TWNK: variants seen among roughly 807,000 people sequenced by gnomAD.
The protein encoded by TWNK is T7 gp4-like protein with intramitochondrial nucleoid localization.
A neutral mutation model predicts 58.2 loss-of-function variants in TWNK; 36 were observed. That is an observed-to-expected ratio of 0.62 (90% CI 0.47 to 0.82). The LOEUF (loss-of-function observed/expected upper bound fraction) is 0.82. Ranked by LOEUF, TWNK falls within the 40% of genes least tolerant of loss-of-function variation. The probability of loss-of-function intolerance (pLI) is 0.00; values close to 1 mark genes in which losing one functional copy is unlikely to be tolerated. For synonymous variants in TWNK, 349 were observed against 348.5 expected (o/e 1.00, Z -0.02); for missense variants, 714 against 881.0 (o/e 0.81, Z 2.40).
intron 4 of TWNK, among the ~76,000 whole-genome samples, chr10:100,992,205 CTTTTTTTTTTTT>C (rs750231609): frequency 1.5e-4 from 12 of 79,010 alleles, no homozygotes; most frequent in South Asian, 5.2e-4. Flanking sequence ...GAGACCCTAT[CTTTTTTTTTTTT>C]TTTTTTTTTT....
In TWNK at chr10:100,993,390, TGGACCAG is replaced by T; in HGVS notation, c.1936_1942del (p.Gly646TrpfsTer52). ...GGCTCAAGAAGATCAAGGATGACAC[TGGACCAG>T]TGGCCAAAAAGCCCTCTTCTGGCAA... is the stretch of plus-strand genomic sequence containing the variant. On this transcript the variant is annotated frameshift_variant, in exon 5 of 5. Transcript: ENST00000311916. LOFTEE classifies it low-confidence loss of function (END_TRUNC). 6.2e-7 allele frequency: 1 copy of T among 1,614,224 alleles called. No homozygotes were observed.
chr10:100,993,450 G>C lies in TWNK; in HGVS notation c.1995G>C (p.Glu665Asp). The C allele has an allele frequency of 6.2e-7, 1 of 1,614,210 alleles. No homozygotes were observed. Among genetic ancestry groups the C allele is most frequent in the Non-Finnish European group, 8.5e-7 (1 of 1,180,054 alleles). ...GKKGATTQNS[E>D]ICSGQAPTPD... ...AGGGGGCTACGACACAGAACTCTGA[G>C]ATTTGCTCAGGCCAGGCCCCCACTC... Residue 665 changes from glutamate (E) to aspartate (D), a missense_variant, in exon 5 of 5, where the codon GAG (glutamate) becomes GAC (aspartate). Glu to Asp is a conservative substitution (Grantham distance 45, BLOSUM62 2). Transcript: ENST00000311916.
chr10:100,987,612 T>G lies in TWNK; in HGVS notation c.-599T>G. 1 of 1,003,696 alleles carries G rather than the reference T, an allele frequency of 1.0e-6. No individual in the cohort carries two copies. Among genetic ancestry groups the G allele is most frequent in the Non-Finnish European group, 1.4e-6 (1 of 705,840 alleles). The allele number at this position is 1,003,696 out of a possible 1,614,324, so 62.2% of individuals were successfully genotyped here. A position where few individuals can be genotyped will look rare whatever the true frequency, so the allele number is the denominator to read the frequency against. ...GCCGGCGAAGTGGGAGAGAGAAAAGTGGTAACCTGGGGCTGGGGGCCGGCG... is the reference window on the plus strand; with the variant it reads ...GCCGGCGAAGTGGGAGAGAGAAAAGGGGTAACCTGGGGCTGGGGGCCGGCG... On this transcript the variant is annotated 5_prime_UTR_variant, in exon 1 of 5. Transcript: ENST00000311916.
Position 100,987,643 on chromosome 10 carries a change from G to A in TWNK, c.-568G>A. ...CCTGGGGCTGGGGGCCGGCGCGGCG[G>A]AGCTCGGAGTAGTAGAGCGGAGTGA... is the stretch of plus-strand genomic sequence containing the variant. On this transcript the variant is annotated 5_prime_UTR_variant, in exon 1 of 5. Coordinates refer to ENST00000311916, the MANE Select transcript of TWNK (RefSeq NM_021830.5). 1.4e-6 allele frequency: 1 copy of A among 704,152 alleles called. No individual in the cohort carries two copies. The allele number at this position is 704,152 out of a possible 1,614,324, so 43.6% of individuals were successfully genotyped here.
At position 100,989,866 on chromosome 10, in the gene TWNK, A is replaced by G. The variant is rs765275995; in HGVS notation, c.1466A>G (p.His489Arg). Residue 489 changes from histidine to arginine, a missense_variant, in exon 2 of 5, where the codon CAT becomes CGT. Coordinates refer to ENST00000311916, the MANE Select transcript of TWNK (RefSeq NM_021830.5). This position sits in a 1 kb window ranked among gnomAD's most constrained non-coding sequence, Gnocchi z 7.6. ...CTGCCCCTCTATTTCATGACTTTCC[A>G]TGGACAGCAAAGCATCAGGTGAGAC... is the stretch of plus-strand genomic sequence containing the variant. Reference protein sequence around the residue: ...EDLPLYFMTFHGQQSIRTVID... With the variant: ...EDLPLYFMTFRGQQSIRTVID... 1.5e-5 allele frequency: 25 copies of G among 1,614,216 alleles called. No homozygotes were observed. The highest frequency in any genetic ancestry group is 2.0e-5 in the Non-Finnish European group (24 of 1,180,042).
chr10:100,988,355 G>A lies in TWNK; in HGVS notation c.145G>A (p.Asp49Asn). 2 of 1,614,248 alleles carry A rather than the reference G, an allele frequency of 1.2e-6. No individual in the cohort carries two copies. The highest frequency in any genetic ancestry group is 2.2e-5 in the East Asian group (1 of 44,892). ...CAGGAAGGAGACTCTCCAAGCCTTG[G>A]ATATGCCAGTGTTGCCTGTAACTGC... is the stretch of plus-strand genomic sequence containing the variant. ...RYRKETLQAL[D>N]MPVLPVTATE... The change falls in exon 1 of 5, where the codon GAT becomes AAT. Residue 49 changes from aspartate (D) to asparagine (N), a missense_variant. Coordinates refer to ENST00000311916, the MANE Select transcript of TWNK (RefSeq NM_021830.5). The surrounding 1 kb of genome is among the most constrained non-coding windows in gnomAD (Gnocchi z 5.2).
At position 100,988,878 on chromosome 10, in the gene TWNK, A is replaced by T. The variant is rs1310014162; in HGVS notation, c.668A>T (p.Glu223Val). 6.2e-7 allele frequency: 1 copy of T among 1,614,216 alleles called. No homozygotes were observed. The highest frequency in any genetic ancestry group is 1.7e-5 in the Admixed American group (1 of 60,034). ...GSGLRGLKLL[E>V]AKCQGDGVSY... is the part of the protein sequence containing the mutation. ...GGATTACGAGGCCTGAAGCTCCTAG[A>T]GGCTAAATGCCAGGGGGATGGAGTG... is the stretch of plus-strand genomic sequence containing the variant. The change falls in exon 1 of 5, where the codon GAG (glutamate) becomes GTG (valine). Residue 223 changes from glutamate to valine, a missense_variant. This residue lies in a region of TWNK where 348 missense variants were observed against 388.4 expected (regional missense o/e 0.90). Transcript: ENST00000311916. This position sits in a 1 kb window ranked among gnomAD's most constrained non-coding sequence, Gnocchi z 5.2.
At position 100,988,928 on chromosome 10, in the gene TWNK, C is replaced by T. The variant is rs757838397; in HGVS notation, c.718C>T (p.Arg240Ter). Residue 240 changes from arginine to a stop codon, truncating the protein, a stop_gained, in exon 1 of 5, where the codon CGA (arginine) becomes TGA (stop). Transcript: ENST00000311916. LOFTEE classifies it high-confidence loss of function. The surrounding 1 kb of genome is among the most constrained non-coding windows in gnomAD (Gnocchi z 5.2). ...GVSYEETTIP[R>*]PSAYHNLFGL... ...GAGCTACGAGGAAACCACTATTCCC[C>T]GACCCAGCGCCTACCACAATCTGTT... is the stretch of plus-strand genomic sequence containing the variant. 2 of 1,614,132 alleles carry T rather than the reference C, an allele frequency of 1.2e-6. No homozygotes were observed. Among genetic ancestry groups the T allele is most frequent in the Admixed American group, 1.7e-5 (1 of 60,022 alleles).
chr10:100,992,798 C>CT (rs1851817694), intron 4 of TWNK, among the ~76,000 whole-genome samples: 1 of 145,650 alleles, frequency 6.9e-6, no homozygotes, highest in African/African-American at 2.5e-5. Context: ...TTTTTTTTTT[C>CT]TTTTTTGAGA....
Position 100,993,504 on chromosome 10 carries a change from A to C in TWNK, c.2049A>C (p.Ser683=). The C allele has an allele frequency of 1.2e-6, 2 of 1,614,108 alleles. No individual in the cohort carries two copies. Among genetic ancestry groups the C allele is most frequent in the Non-Finnish European group, 1.7e-6 (2 of 1,179,998 alleles). ...TPDQPDTSKR[S]K ...ACCAGCCAGACACCTCCAAGCGTTC[A>C]AAGTGAAGGCCGTGCAGAGCTGGTC... Residue 683 remains serine (S), a synonymous_variant, in exon 5 of 5, where the codon TCA becomes TCC. Coordinates refer to ENST00000311916, the MANE Select transcript of TWNK (RefSeq NM_021830.5).
chr10:100,993,597 C>A lies in TWNK; in HGVS notation c.*87C>A. On this transcript the variant is annotated 3_prime_UTR_variant, in exon 5 of 5. Coordinates refer to ENST00000311916, the MANE Select transcript of TWNK (RefSeq NM_021830.5). ...GCAAGGGCTCCTCTATCCTGTGGTCCTGAGCTGTGTGCCCTTCTCAGTCTG... is the reference window on the plus strand; with the variant it reads ...GCAAGGGCTCCTCTATCCTGTGGTCATGAGCTGTGTGCCCTTCTCAGTCTG... 1 of 1,450,330 alleles carries A rather than the reference C, an allele frequency of 6.9e-7. No individual in the cohort carries two copies. The highest frequency in any genetic ancestry group is 9.5e-7 in the Non-Finnish European group (1 of 1,051,342). The allele number at this position is 1,450,330 out of a possible 1,614,324, so 89.8% of individuals were successfully genotyped here.
rs1418345627 is a variant in TWNK, at chr10:100,989,119, G to A, written c.909G>A (p.Arg303=). The A allele has an allele frequency of 6.2e-7, 1 of 1,612,224 alleles. No homozygotes were observed. Among genetic ancestry groups the A allele is most frequent in the South Asian group, 1.1e-5 (1 of 91,058 alleles). ...ALLPYLEQFR[R]IVFWLGDDLR... is the part of the protein sequence containing the mutation. ...TCCCTTACCTGGAACAGTTCCGGCG[G>A]ATTGTATTCTGGTTGGGGGATGACC... Residue 303 remains arginine (R), a synonymous_variant, in exon 1 of 5, where the codon CGG becomes CGA. Coordinates refer to ENST00000311916, the MANE Select transcript of TWNK (RefSeq NM_021830.5). The surrounding 1 kb of genome is among the most constrained non-coding windows in gnomAD (Gnocchi z 7.6).
rs1238938913 is a variant in TWNK at position 100,994,293 on chromosome 10, G to C, written c.*783G>C. On this transcript the variant is annotated 3_prime_UTR_variant, in exon 5 of 5. Transcript: ENST00000311916. ...AGCCATAGAAGGAAGCTGTCAGCCC[G>C]GAGTGCCTGCCACCTAGACACTGAT... 6.6e-6 allele frequency: 1 copy of C among 152,244 alleles called. No individual in the cohort carries two copies. Among genetic ancestry groups the C allele is most frequent in the African/African-American group, 2.4e-5 (1 of 41,436 alleles). The allele number at this position is 152,244 out of a possible 1,614,324, so 9.4% of individuals were successfully genotyped here. A position where few individuals can be genotyped will look rare whatever the true frequency, so the allele number is the denominator to read the frequency against.
At chr10:100,991,587 A>C (rs1851776758) in intron 4 of TWNK, among the ~76,000 whole-genome samples, 1 of 152,128 alleles carries the variant, frequency 6.6e-6, no homozygotes, top group South Asian at 2.1e-4. Context: ...GTAATGCAGA[A>C]GTGGAAAAAT....
chr10:100,992,722 G>A (rs187296525), intron 4 of TWNK, among the ~76,000 whole-genome samples: 17 of 151,994 alleles, frequency 1.1e-4, no homozygotes, highest in Non-Finnish European at 2.5e-4. Flanking sequence ...CCCCAGCATC[G>A]TGGTCAGTAG....
At position 100,987,872 on chromosome 10, in the gene TWNK, G is replaced by C; in HGVS notation, c.-339G>C. On this transcript the variant is annotated 5_prime_UTR_variant, in exon 1 of 5. Transcript: ENST00000311916. ...GACGACGAGGAGATGCTGTGGAGGA[G>C]CAGTAGAGGTGAGAAGATGATGCAA... 3.4e-6 allele frequency: 2 copies of C among 596,588 alleles called. No individual in the cohort carries two copies. The highest frequency in any genetic ancestry group is 5.5e-5 in the East Asian group (2 of 36,156). The allele number at this position is 596,588 out of a possible 1,614,324, so 37.0% of individuals were successfully genotyped here.
At position 100,987,921 on chromosome 10, in the gene TWNK, G is replaced by C. The variant is rs62626270; in HGVS notation, c.-290G>C. On this transcript the variant is annotated 5_prime_UTR_variant, in exon 1 of 5. Coordinates refer to ENST00000311916, the MANE Select transcript of TWNK (RefSeq NM_021830.5). ...AAAGAAACTGTGTCAGTGAGGAACT[G>C]TATAGAGGGTCATAGAGGTGAGGTG... 76 of 613,756 alleles carry C rather than the reference G, an allele frequency of 1.2e-4. No individual in the cohort carries two copies. Among genetic ancestry groups the C allele is most frequent in the Middle Eastern group, 8.7e-4 (2 of 2,298 alleles). The allele number at this position is 613,756 out of a possible 1,614,324, so 38.0% of individuals were successfully genotyped here.
In TWNK at chr10:100,987,558, G is replaced by T. The variant is rs1851598528; in HGVS notation, c.-653G>T. The stretch of plus-strand genomic sequence containing the variant: ...CCGGAGTTTTGCTTCCGAGGTCAAG[G>T]CGAGTAGCATGTGCGGGAGACTCAC... On this transcript the variant is annotated 5_prime_UTR_variant, in exon 1 of 5. Coordinates refer to ENST00000311916, the MANE Select transcript of TWNK (RefSeq NM_021830.5). The T allele has an allele frequency of 1.4e-6, 2 of 1,440,444 alleles. No homozygotes were observed. The highest frequency in any genetic ancestry group is 2.8e-5 in the African/African-American group (2 of 70,556). 89.2% of individuals were successfully genotyped at this position (1,440,444 alleles called of 1,614,324 possible). A position where few individuals can be genotyped will look rare whatever the true frequency, so the allele number is the denominator to read the frequency against.
Position 100,993,110 on chromosome 10 carries a change from C to T in TWNK, c.1735-80C>T, listed in dbSNP as rs552010025. 8 of 1,456,128 alleles carry T rather than the reference C, an allele frequency of 5.5e-6. No individual in the cohort carries two copies. The South Asian group carries it at 8.0e-5, about 15-fold the overall frequency. The allele number at this position is 1,456,128 out of a possible 1,614,324, so 90.2% of individuals were successfully genotyped here. ...CCCTCTCCCCATTCTTATCACTCCT[C>T]CCTGCCCTGTCAGCCCCCCTTTCTG... On this transcript the variant is annotated intron_variant, in intron 4 of 4. Transcript: ENST00000311916.
Sources: gnomAD v4.1 joint callset for allele counts (sites outside exome capture counted in the v4.1 genomes callset) on GRCh38, gnomAD v4.1.1 for gene constraint, gnomAD v4.1.1 regional missense constraint, Gnocchi (gnomAD v3.1) non-coding constraint, MANE v1.5 for transcripts, NCBI Gene and HGNC (gene_info 2026-07-23, HGNC 2026-07-21) for gene names.